ITGAV: variants seen among roughly 807,000 people sequenced by gnomAD.
The protein encoded by ITGAV is integrin alpha-V.
A neutral mutation model predicts 143.8 loss-of-function variants in ITGAV; 76 were observed. The observed-to-expected ratio is 0.53, with a 90% CI of 0.44 to 0.64. The LOEUF (loss-of-function observed/expected upper bound fraction) is 0.64, where lower values mean the gene tolerates loss of function less well. Among genes scored for constraint, ITGAV ranks in the 30% least tolerant of loss-of-function variants. The pLI, the probability that ITGAV is intolerant of heterozygous loss-of-function variation, is 0.00. For synonymous variants in ITGAV, 453 were observed against 446.7 expected (o/e 1.01, Z -0.18); for missense variants, 1,193 against 1,274.7 (o/e 0.94, Z 0.98).
chr2:186,645,514 T>TA (rs1688230303), intron 12 of ITGAV, among the ~76,000 whole-genome samples: 1 of 152,012 alleles, frequency 6.6e-6, no homozygotes, highest in African/African-American at 2.4e-5. Flanking sequence ...ATTTGCATGG[T>TA]AAACAATGGA....
intron 2 of ITGAV, among the ~76,000 whole-genome samples, chr2:186,610,776 T>A (rs936704803): frequency 5.3e-5 from 8 of 152,178 alleles, no homozygotes; most frequent in Non-Finnish European, 4.4e-5. Flanking sequence ...AAGTGGATGA[T>A]TTAGTTTAGG....
Position 186,679,023 on chromosome 2 carries a change from C to T in ITGAV, c.*1731C>T, listed in dbSNP as rs2105759085. 1 of 175,920 alleles carries T rather than the reference C, an allele frequency of 5.7e-6. No individual in the cohort carries two copies. The highest frequency in any genetic ancestry group is 2.4e-5 in the African/African-American group (1 of 41,876). 10.9% of individuals were successfully genotyped at this position (175,920 alleles called of 1,614,324 possible). A position where few individuals can be genotyped will look rare whatever the true frequency, so the allele number is the denominator to read the frequency against. On this transcript the variant is annotated 3_prime_UTR_variant, in exon 30 of 30. Coordinates refer to ENST00000261023, the MANE Select transcript of ITGAV (RefSeq NM_002210.5). ...TTAGTGAATTTCAAAAGTAATGGGT[C>T]TTGGAGTATAGATTTTTATTAGTAG... is the stretch of plus-strand genomic sequence containing the variant.
At chr2:186,658,980 A>C in intron 17 of ITGAV, 58 bp from the exon 18 acceptor site, 1 of 1,388,144 alleles carries the variant, frequency 7.2e-7, no homozygotes, top group Non-Finnish European at 9.9e-7. Flanking sequence ...GCACTTATGG[A>C]TTTCTCCAGA....
At chr2:186,632,853 T>C (rs2105700075) in intron 5 of ITGAV, among the ~76,000 whole-genome samples, 1 of 152,306 alleles carries the variant, frequency 6.6e-6, no homozygotes, top group South Asian at 2.1e-4. Context: ...CAAAAGTGTG[T>C]ATTTTCATGT....
chr2:186,650,750 A>G (rs1688402089), intron 14 of ITGAV, among the ~76,000 whole-genome samples: 2 of 151,736 alleles, frequency 1.3e-5, no homozygotes, highest in Non-Finnish European at 2.9e-5. Flanking sequence ...GGGTCTTGCC[A>G]TGTTATCTGG....
intron 18 of ITGAV, 90 bp from the exon 19 acceptor site, chr2:186,663,678 A>G: frequency 5.7e-6 from 5 of 873,314 alleles, no homozygotes; most frequent in South Asian, 3.0e-5. Context: ...ATGTGTACAT[A>G]TAGGCTTAAC....
Position 186,667,247 on chromosome 2 carries a change from A to G in ITGAV, c.2327+17A>G. 2 of 1,555,138 alleles carry G rather than the reference A, an allele frequency of 1.3e-6. No individual in the cohort carries two copies. The highest frequency in any genetic ancestry group is 1.8e-6 in the Non-Finnish European group (2 of 1,130,166). Reference sequence around the variant, plus strand: ...GATAAGAGGGTCAGTATGAATACTTAGTTGAGTATCTCATTCTCATGATTG... The same window carrying G: ...GATAAGAGGGTCAGTATGAATACTTGGTTGAGTATCTCATTCTCATGATTG... On this transcript the variant is annotated intron_variant, in intron 23 of 29. Transcript: ENST00000261023.
chr2:186,665,976 A>G (rs1688886825), intron 21 of ITGAV, among the ~76,000 whole-genome samples: 1 of 152,142 alleles, frequency 6.6e-6, no homozygotes, highest in African/African-American at 2.4e-5. Context: ...CGTGTATTCA[A>G]TGTTTTATTA....
chr2:186,593,718 T>C (rs1313959399), intron 1 of ITGAV, among the ~76,000 whole-genome samples: 1 of 152,152 alleles, frequency 6.6e-6, no homozygotes, highest in Admixed American at 6.5e-5. Flanking sequence ...GCAGATATAC[T>C]CATTCTTACA....
Position 186,678,631 on chromosome 2 carries a change from G to A in ITGAV, c.*1339G>A. On this transcript the variant is annotated 3_prime_UTR_variant, in exon 30 of 30. Coordinates refer to ENST00000261023, the MANE Select transcript of ITGAV (RefSeq NM_002210.5). The stretch of plus-strand genomic sequence containing the variant: ...ATAAAAGCCACATAGGTGGCAAGTT[G>A]TAGTTTTATATGGCTCTGTAGAGTG... The A allele has an allele frequency of 5.2e-6, 2 of 388,066 alleles. No homozygotes were observed. Among genetic ancestry groups the A allele is most frequent in the South Asian group, 4.0e-5 (2 of 50,476 alleles). 24.0% of individuals were successfully genotyped at this position (388,066 alleles called of 1,614,324 possible). A position where few individuals can be genotyped will look rare whatever the true frequency, so the allele number is the denominator to read the frequency against.
chr2:186,666,691 C>G lies in ITGAV; in HGVS notation c.2167-13C>G, dbSNP rs1047434023. 6 of 1,468,098 alleles carry G rather than the reference C, an allele frequency of 4.1e-6. No homozygotes were observed. The African/African-American group carries it at 8.6e-5, about 21-fold the overall frequency. 90.9% of individuals were successfully genotyped at this position (1,468,098 alleles called of 1,614,324 possible). A position where few individuals can be genotyped will look rare whatever the true frequency, so the allele number is the denominator to read the frequency against. ...CATTGACTAGCATTACTATCTTTTC[C>G]TCTCTCCTTTAGCTCTTAGCTGGTC... On this transcript the variant is annotated splice_polypyrimidine_tract_variant and intron_variant, in intron 21 of 29. Coordinates refer to ENST00000261023, the MANE Select transcript of ITGAV (RefSeq NM_002210.5).
chr2:186,667,009 A>AGTGTTAAT (rs1310807318), intron 22 of ITGAV, 141 bp from the exon 23 acceptor site: 1 of 549,954 alleles, frequency 1.8e-6, no homozygotes, highest in Non-Finnish European at 3.0e-6. Context: ...CTTGGAATTA[A>AGTGTTAAT]GTGTTAATGA....
At chr2:186,642,380 A>G (rs1311945561) in intron 12 of ITGAV, among the ~76,000 whole-genome samples, 1 of 136,698 alleles carries the variant, frequency 7.3e-6, no homozygotes, top group Non-Finnish European at 1.7e-5. Context: ...AATACAGATG[A>G]CTTGTTGTAT....
intron 3 of ITGAV, among the ~76,000 whole-genome samples, chr2:186,623,473 T>C (rs887636160): frequency 6.6e-6 from 1 of 152,174 alleles, no homozygotes; most frequent in Non-Finnish European, 1.5e-5. Flanking sequence ...TAACGTTCAG[T>C]TTCCAAATAT....
chr2:186,602,036 C>T lies in ITGAV; in HGVS notation c.201C>T (p.Leu67=), dbSNP rs142322882. 29 of 1,608,794 alleles carry T rather than the reference C, an allele frequency of 1.8e-5. No homozygotes were observed. Among genetic ancestry groups the T allele is most frequent in the South Asian group, 3.3e-5 (3 of 89,828 alleles). ...VPSASSRMFL[L]VGAPKANTTQ... ...TGTATTTTAGCCGGATGTTTCTTCT[C>T]GTGGGAGCTCCCAAAGCAAACACCA... Residue 67 remains leucine (L), a synonymous_variant, in exon 2 of 30, where the codon CTC becomes CTT. Transcript: ENST00000261023.
intron 2 of ITGAV, among the ~76,000 whole-genome samples, chr2:186,605,856 ATTC>A (rs1687051059): frequency 6.7e-6 from 1 of 149,088 alleles, no homozygotes; most frequent in African/African-American, 2.4e-5. Context: ...TAATACATAT[ATTC>A]TTATGTATAT....
In ITGAV at chr2:186,664,536, A is replaced by AT. The variant is rs1477850866; in HGVS notation, c.1970dup (p.Leu657PhefsTer4). ...ATATTGGGGATGACAACCCTCTGAC[A>AT]TTGATTGTTAAGGCTCAGAATCAAG... On this transcript the variant is annotated frameshift_variant, in exon 20 of 30. Transcript: ENST00000261023. LOFTEE classifies it high-confidence loss of function. 1 of 1,613,962 alleles carries AT rather than the reference A, an allele frequency of 6.2e-7. No homozygotes were observed. The highest frequency in any genetic ancestry group is 1.7e-5 in the Admixed American group (1 of 60,018).
At chr2:186,622,922 C>G (rs572256633) in intron 3 of ITGAV, among the ~76,000 whole-genome samples, 2 of 152,134 alleles carry the variant, frequency 1.3e-5, no homozygotes, top group African/African-American at 2.4e-5. Flanking sequence ...GCCACCAGGC[C>G]TGGCTAATTT....
intron 14 of ITGAV, 126 bp downstream of exon 14, chr2:186,650,011 T>G (rs980991613): frequency 1.6e-6 from 1 of 614,294 alleles, no homozygotes; most frequent in Non-Finnish European, 2.7e-6. Context: ...GCTCTTTCTA[T>G]TCATGATTTG....
Sources: gnomAD v4.1 joint callset for allele counts (sites outside exome capture counted in the v4.1 genomes callset) on GRCh38, gnomAD v4.1.1 for gene constraint, MANE v1.5 for transcripts, NCBI Gene and HGNC (gene_info 2026-07-23, HGNC 2026-07-21) for gene names.